The following DNAJC13 variants were observed in gnomAD, a reference collection of about 807,000 sequenced individuals.
DNAJC13 encodes the protein DnaJ heat shock protein family (Hsp40) member C13, also known as dnaJ homolog subfamily C member 13.
DNAJC13 carries 75 observed loss-of-function variants against 290.5 expected under a neutral mutation model. The ratio of observed to expected loss-of-function variants is 0.26; its 90% CI spans 0.21 to 0.31. The LOEUF (loss-of-function observed/expected upper bound fraction) is 0.31, where lower values mean the gene tolerates loss of function less well. Among genes scored for constraint, DNAJC13 ranks in the 10% least tolerant of loss-of-function variants. The pLI is 1.00. For missense variants in DNAJC13, 2,260 were observed against 2,674.5 expected (o/e 0.85, Z 3.42); for synonymous variants, 862 against 892.0 (o/e 0.97, Z 0.60).
intron 1 of DNAJC13, 31 bp downstream of exon 1, chr3:132,417,791 G>A (rs1938832752): frequency 6.5e-6 from 1 of 152,764 alleles, no homozygotes; most frequent in Admixed American, 6.5e-5. Flanking sequence ...TGGGCTCTGG[G>A]GCTCTGCCTT....
chr3:132,434,105 G>A (rs557612173), intron 1 of DNAJC13, among the ~76,000 whole-genome samples: 14 of 152,138 alleles, frequency 9.2e-5, no homozygotes, highest in Non-Finnish European at 1.8e-4. Context: ...AGCTACTCTG[G>A]AGGCTGAGGA....
At chr3:132,471,333 G>T (rs1409386224) in intron 20 of DNAJC13, among the ~76,000 whole-genome samples, 1 of 144,686 alleles carries the variant, frequency 6.9e-6, no homozygotes, top group African/African-American at 2.6e-5. Flanking sequence ...CGGCTGGCCG[G>T]GCGGGGGGTT....
At chr3:132,508,025 A>G (rs1183361075) in intron 43 of DNAJC13, among the ~76,000 whole-genome samples, 1 of 152,262 alleles carries the variant, frequency 6.6e-6, no homozygotes, top group African/African-American at 2.4e-5. Flanking sequence ...CAATGAATAC[A>G]TGAATGACAA....
At chr3:132,483,303 A>G in intron 27 of DNAJC13, 72 bp from the exon 28 acceptor site, 1 of 1,272,882 alleles carries the variant, frequency 7.9e-7, no homozygotes, top group South Asian at 1.3e-5. Flanking sequence ...TGTATTTACT[A>G]TAAAGTAGAA....
chr3:132,506,134 C>T (rs1576507342), intron 42 of DNAJC13, among the ~76,000 whole-genome samples: 1 of 140,304 alleles, frequency 7.1e-6, no homozygotes, highest in Non-Finnish European at 1.5e-5. Context: ...CTCGTCGCAA[C>T]CTCCACCTCC....
chr3:132,468,171 G>A (rs2107680143), intron 20 of DNAJC13, among the ~76,000 whole-genome samples: 2 of 152,264 alleles, frequency 1.3e-5, no homozygotes, highest in South Asian at 4.1e-4. Context: ...ATTCAGTAAT[G>A]CATTCTTCTA....
In DNAJC13 at chr3:132,417,549, G is replaced by A. The variant is rs1378051115; in HGVS notation, c.-225G>A. The A allele has an allele frequency of 6.6e-6, 1 of 152,252 alleles. No individual in the cohort carries two copies. Among genetic ancestry groups the A allele is most frequent in the East Asian group, 1.9e-4 (1 of 5,170 alleles). 9.4% of individuals were successfully genotyped at this position (152,252 alleles called of 1,614,324 possible). A position where few individuals can be genotyped will look rare whatever the true frequency, so the allele number is the denominator to read the frequency against. On this transcript the variant is annotated 5_prime_UTR_variant, in exon 1 of 56. Coordinates refer to ENST00000260818, the MANE Select transcript of DNAJC13 (RefSeq NM_015268.4). ...GAGCGAAGATGGCGGCCTCCAGAGT[G>A]AAACTCTGAGAGGCAGAGGGAGGAG...
intron 48 of DNAJC13, among the ~76,000 whole-genome samples, chr3:132,520,878 T>A (rs1936067874): frequency 6.6e-6 from 1 of 152,224 alleles, no homozygotes; most frequent in South Asian, 2.1e-4. Context: ...TAAAAAAGGT[T>A]ATTACTTAAA....
chr3:132,488,901 T>A, intron 30 of DNAJC13, 75 bp from the exon 31 acceptor site: 1 of 1,083,530 alleles, frequency 9.2e-7, no homozygotes, highest in East Asian at 2.4e-5. Flanking sequence ...ATAAAAGATC[T>A]AGTCTTTAGA....
intron 41 of DNAJC13, 58 bp downstream of exon 41, chr3:132,503,439 T>C: frequency 6.3e-7 from 1 of 1,583,422 alleles, no homozygotes; most frequent in East Asian, 2.2e-5. Flanking sequence ...CTTTAAGCAG[T>C]AAAGTAGTAC....
intron 27 of DNAJC13, among the ~76,000 whole-genome samples, 194 bp downstream of exon 27, chr3:132,482,524 T>C (rs1028604942): frequency 6.6e-6 from 1 of 152,132 alleles, no homozygotes; most frequent in East Asian, 1.9e-4. Flanking sequence ...CTTCAAACCT[T>C]GTTTAAAAGC....
At chr3:132,495,429 T>G (rs1235552617) in intron 35 of DNAJC13, among the ~76,000 whole-genome samples, 1 of 152,166 alleles carries the variant, frequency 6.6e-6, no homozygotes, top group Non-Finnish European at 1.5e-5. Context: ...TTAACTCTAA[T>G]GGGCAATCAT....
intron 35 of DNAJC13, among the ~76,000 whole-genome samples, chr3:132,495,653 A>G (rs1172886033): frequency 6.6e-6 from 1 of 152,164 alleles, no homozygotes; most frequent in African/African-American, 2.4e-5. Context: ...TTCATAAACG[A>G]TGAAATCACG....
chr3:132,440,530 T>A (rs1412372137), intron 2 of DNAJC13, among the ~76,000 whole-genome samples: 1 of 152,246 alleles, frequency 6.6e-6, no homozygotes, highest in Non-Finnish European at 1.5e-5. Context: ...GCATATATGA[T>A]GATCCCATAT....
chr3:132,472,993 A>G (rs1934335747), intron 20 of DNAJC13, 152 bp from the exon 21 acceptor site: 4 of 614,192 alleles, frequency 6.5e-6, no homozygotes, highest in Non-Finnish European at 8.7e-6. Flanking sequence ...ATTTATATTC[A>G]TGTTTTATAG....
intron 24 of DNAJC13, 96 bp downstream of exon 24, chr3:132,478,236 A>G (rs1195157699): frequency 9.4e-7 from 1 of 1,061,676 alleles, no homozygotes; most frequent in African/African-American, 1.6e-5. Flanking sequence ...TGATCACATT[A>G]TTACTGTAAC....
chr3:132,462,444 A>G (rs1339219878), intron 15 of DNAJC13, 23 bp from the exon 16 acceptor site: 3 of 1,601,878 alleles, frequency 1.9e-6, no homozygotes, highest in Non-Finnish European at 1.7e-6. Context: ...ATTTTTTGAT[A>G]CTTTTTCCCC....
At chr3:132,479,628 T>A (rs994601912) in intron 25 of DNAJC13, among the ~76,000 whole-genome samples, 1 of 152,178 alleles carries the variant, frequency 6.6e-6, no homozygotes, top group African/African-American at 2.4e-5. Context: ...GTAAAATATA[T>A]GCTTGACATA....
intron 1 of DNAJC13, among the ~76,000 whole-genome samples, chr3:132,433,166 AATG>A (rs1939285770): frequency 6.6e-6 from 1 of 152,248 alleles, no homozygotes; most frequent in African/African-American, 2.4e-5. Flanking sequence ...TACAAGGACG[AATG>A]ATGATTTGCT....
Sources: allele counts gnomAD v4.1 joint callset (sites outside exome capture counted in the v4.1 genomes callset), GRCh38; gene constraint gnomAD v4.1.1; transcripts MANE v1.5; gene names NCBI Gene and HGNC (gene_info 2026-07-23, HGNC 2026-07-21).